DLG1: variants seen among roughly 807,000 people sequenced by gnomAD.
DLG1 encodes discs large MAGUK scaffold protein 1.
A neutral mutation model predicts 123.4 loss-of-function variants in DLG1; 42 were observed. The observed-to-expected ratio is 0.34, with a 90% CI of 0.27 to 0.44. DLG1 has a LOEUF of 0.44. Among genes scored for constraint, DLG1 ranks in the 20% least tolerant of loss-of-function variants. The pLI is 1.00. For missense variants in DLG1, 942 were observed against 1,082.6 expected (o/e 0.87, Z 1.82); for synonymous variants, 317 against 356.2 (o/e 0.89, Z 1.24).
At chr3:197,116,787 A>G (rs182943406) in intron 12 of DLG1, among the ~76,000 whole-genome samples, 90 of 152,270 alleles carry the variant, frequency 5.9e-4, no homozygotes, top group Non-Finnish European at 1.0e-3. Context: ...TACCGAAGAC[A>G]CCACAGGCCT....
intron 4 of DLG1, among the ~76,000 whole-genome samples, chr3:197,279,026 C>T (rs1560129905): frequency 2.6e-5 from 4 of 152,118 alleles, no homozygotes; most frequent in South Asian, 2.1e-4. Flanking sequence ...GTACAATAAA[C>T]TTTAAGTTTT....
intron 4 of DLG1, among the ~76,000 whole-genome samples, chr3:197,229,952 T>C (rs886908588): frequency 3.9e-5 from 6 of 152,236 alleles, no homozygotes; most frequent in African/African-American, 1.2e-4. Context: ...AATTTATCCA[T>C]GGTGTCACAG....
chr3:197,143,398 G>A (rs967513592), intron 6 of DLG1, among the ~76,000 whole-genome samples: 2 of 152,080 alleles, frequency 1.3e-5, no homozygotes, highest in African/African-American at 4.8e-5. Flanking sequence ...TGGGACTACA[G>A]GTGCCTGCCC....
intron 5 of DLG1, among the ~76,000 whole-genome samples, chr3:197,155,502 G>T (rs967128964): frequency 6.6e-6 from 1 of 152,000 alleles, no homozygotes; most frequent in South Asian, 2.1e-4. Context: ...AAGAAATAAA[G>T]ATCTCAGTAA....
At chr3:197,258,433 C>T (rs533296262) in intron 4 of DLG1, among the ~76,000 whole-genome samples, 13 of 29,716 alleles carry the variant, frequency 4.4e-4, no homozygotes, top group African/African-American at 8.7e-4. Context: ...TATGGGGGGG[C>T]GGGGGGGAAC....
intron 11 of DLG1, among the ~76,000 whole-genome samples, chr3:197,123,811 G>C (rs1466384786): frequency 1.3e-5 from 2 of 152,112 alleles, no homozygotes; most frequent in African/African-American, 4.8e-5. Context: ...GATCAGAACT[G>C]TAAGTGACTC....
chr3:197,175,012 AAAAG>A (rs1037472921), intron 5 of DLG1, among the ~76,000 whole-genome samples: 1 of 152,216 alleles, frequency 6.6e-6, no homozygotes, highest in Non-Finnish European at 1.5e-5. Flanking sequence ...GCTTAAAGGA[AAAAG>A]AATGAATAGG....
At chr3:197,142,291 G>C (rs1234849959) in intron 7 of DLG1, among the ~76,000 whole-genome samples, 1 of 152,136 alleles carries the variant, frequency 6.6e-6, no homozygotes, top group Non-Finnish European at 1.5e-5. Context: ...AAGGCGGCAG[G>C]ATAACTAAAC....
chr3:197,119,402 T>G lies in DLG1; in HGVS notation c.1286+8A>C. On this transcript the variant is annotated splice_region_variant and intron_variant, in intron 12 of 24. Transcript: ENST00000667157. ...TTATGTAAGAAGGATAAATGTTAAC[T>G]TCCTTACCTTGTAATTTCATCATCT... The G allele has an allele frequency of 6.3e-7, 1 of 1,591,908 alleles. No homozygotes were observed. Among genetic ancestry groups the G allele is most frequent in the Non-Finnish European group, 8.6e-7 (1 of 1,167,290 alleles).
chr3:197,121,141 T>C (rs1776144746), intron 11 of DLG1, among the ~76,000 whole-genome samples: 1 of 152,072 alleles, frequency 6.6e-6, no homozygotes, highest in South Asian at 2.1e-4. Context: ...CCCTGACACA[T>C]CCAGACTATC....
chr3:197,203,185 G>GCCCCT (rs1339579285), intron 4 of DLG1, among the ~76,000 whole-genome samples: 2 of 152,046 alleles, frequency 1.3e-5, no homozygotes. Context: ...AACTGCTTGA[G>GCCCCT]CCCGGGAGGT....
intron 4 of DLG1, chr3:197,226,344 C>T (rs1739923342): frequency 6.6e-6 from 1 of 152,126 alleles, no homozygotes; most frequent in South Asian, 2.1e-4. Context: ...CTATCTCCTC[C>T]ATGAGAATAA....
chr3:197,072,191 GTTT>G (rs903556669), intron 18 of DLG1, among the ~76,000 whole-genome samples: 1 of 151,600 alleles, frequency 6.6e-6, no homozygotes, highest in Admixed American at 6.6e-5. Context: ...TTTTACCACG[GTTT>G]TTTTTATTTT....
intron 4 of DLG1, among the ~76,000 whole-genome samples, chr3:197,197,483 G>A (rs1189046883): frequency 6.6e-6 from 1 of 152,190 alleles, no homozygotes; most frequent in African/African-American, 2.4e-5. Context: ...GTTCACACAG[G>A]TGAAACAGGA....
At chr3:197,212,758 T>C (rs73086591) in intron 4 of DLG1, among the ~76,000 whole-genome samples, 1,636 of 152,334 alleles carry the variant, frequency 0.011, 32 homozygotes, top group African/African-American at 0.037. Flanking sequence ...TCTGAGATAT[T>C]AGGGGCTAGG....
chr3:197,207,164 T>C (rs145011595), intron 4 of DLG1, among the ~76,000 whole-genome samples: 135 of 152,350 alleles, frequency 8.9e-4, no homozygotes, highest in Non-Finnish European at 1.3e-3. Flanking sequence ...GTTTGCTCTT[T>C]GCTCTTTACG....
intron 23 of DLG1, among the ~76,000 whole-genome samples, chr3:197,058,044 T>A (rs1733040562): frequency 6.6e-6 from 1 of 151,998 alleles, no homozygotes; most frequent in Admixed American, 6.6e-5. Flanking sequence ...AGTGGCAAGA[T>A]CTTGGCTCAC....
chr3:197,116,652 G>A (rs557865590), intron 12 of DLG1, among the ~76,000 whole-genome samples: 1 of 152,180 alleles, frequency 6.6e-6, no homozygotes, highest in Non-Finnish European at 1.5e-5. Flanking sequence ...CAAGGACAAA[G>A]CATCTTTGCT....
Position 197,183,661 on chromosome 3 carries a change from G to T in DLG1, c.483+10764C>A, listed in dbSNP as rs1287219935. On this transcript the variant is annotated intron_variant, in intron 5 of 24. Coordinates refer to ENST00000667157, the MANE Select transcript of DLG1 (RefSeq NM_001366207.1). ...GCAACTATCTGCTGCCAGCGTGAAG[G>T]TTCTGGCTCAGCTTGCAGTTCATCT... 1.9e-6 allele frequency: 3 copies of T among 1,550,440 alleles called. No individual in the cohort carries two copies. In the East Asian group the frequency reaches 7.3e-5, roughly 38 times the overall value.
Sources: gnomAD v4.1 joint callset for allele counts (sites outside exome capture counted in the v4.1 genomes callset) on GRCh38, gnomAD v4.1.1 for gene constraint, MANE v1.5 for transcripts, NCBI Gene and HGNC (gene_info 2026-07-23, HGNC 2026-07-21) for gene names.